CPNE4: variants seen among roughly 807,000 people sequenced by gnomAD.
The protein encoded by CPNE4 is copine 4.
Under a neutral mutation model 67.9 loss-of-function variants are expected in CPNE4, and 25 were observed. The observed-to-expected ratio is 0.37, with a 90% CI of 0.27 to 0.51. CPNE4 has a LOEUF of 0.51. CPNE4 is among the 20% of genes least tolerant of loss of function. The pLI is 0.93. For missense variants in CPNE4, 464 were observed against 690.8 expected, an observed-to-expected ratio of 0.67 and a Z score of 3.68; for synonymous variants, 242 against 244.9, an observed-to-expected ratio of 0.99 and a Z score of 0.11.
chr3:131,646,521 G>T (rs1380246006), intron 7 of CPNE4, among the ~76,000 whole-genome samples: 1 of 152,156 alleles, frequency 6.6e-6, no homozygotes, highest in East Asian at 1.9e-4. Context: ...AACACATGTT[G>T]CAGGGCTAAA....
chr3:131,927,654 G>T (rs1247467691), intron 1 of CPNE4, among the ~76,000 whole-genome samples: 1 of 152,180 alleles, frequency 6.6e-6, no homozygotes, highest in Non-Finnish European at 1.5e-5. Context: ...ATCAATCAAA[G>T]AAATAATCTT....
intron 4 of CPNE4, among the ~76,000 whole-genome samples, chr3:131,696,846 C>A (rs1425780658): frequency 1.3e-5 from 2 of 152,074 alleles, no homozygotes; most frequent in African/African-American, 2.4e-5. Context: ...AGCAAGAGAA[C>A]ATAAGAGATG....
intron 3 of CPNE4, among the ~76,000 whole-genome samples, chr3:131,704,332 C>A (rs1206697784): frequency 2.0e-5 from 3 of 152,146 alleles, no homozygotes; most frequent in Admixed American, 6.5e-5. Context: ...GGTAGTCATC[C>A]CTTGGAAGCA....
chr3:131,882,625 A>G (rs114507005), intron 2 of CPNE4, among the ~76,000 whole-genome samples: 2,096 of 149,744 alleles, frequency 0.014, 39 homozygotes, highest in Non-Finnish European at 0.017. Flanking sequence ...GTTAGACACT[A>G]TTGTGCATTA....
At chr3:131,944,219 CTCTCTT>C (rs2107866233) in intron 1 of CPNE4, among the ~76,000 whole-genome samples, 1 of 141,602 alleles carries the variant, frequency 7.1e-6, no homozygotes, top group Non-Finnish European at 1.6e-5. Context: ...TCTTTCCTCT[CTCTCTT>C]TTTTTTTTTC....
chr3:131,884,251 A>G (rs950084293), intron 2 of CPNE4, among the ~76,000 whole-genome samples: 3 of 152,210 alleles, frequency 2.0e-5, no homozygotes, highest in African/African-American at 7.2e-5. Flanking sequence ...ACCACTATGG[A>G]CTGGTAGGTA....
intron 1 of CPNE4, among the ~76,000 whole-genome samples, chr3:131,946,300 G>A (rs2107871924): frequency 6.6e-6 from 1 of 152,020 alleles, no homozygotes; most frequent in East Asian, 1.9e-4. Flanking sequence ...CTGGTATCTT[G>A]TACATAGCAT....
intron 7 of CPNE4, among the ~76,000 whole-genome samples, chr3:131,624,030 G>A (rs1940608913): frequency 1.3e-5 from 2 of 152,168 alleles, no homozygotes; most frequent in South Asian, 2.1e-4. Context: ...CTCTGGAAGG[G>A]CTGACCCTTC....
At chr3:131,587,370 T>A in intron 8 of CPNE4, 114 bp downstream of exon 8, 1 of 713,762 alleles carries the variant, frequency 1.4e-6, no homozygotes, top group Non-Finnish European at 2.5e-6. Flanking sequence ...TGCTCCCTTC[T>A]TATCACACTT....
chr3:131,942,388 T>C (rs1183889230), intron 1 of CPNE4, among the ~76,000 whole-genome samples: 1 of 149,060 alleles, frequency 6.7e-6, no homozygotes, highest in Non-Finnish European at 1.5e-5. Context: ...TCTACCACAG[T>C]TAATATTTTG....
chr3:131,879,459 A>AT (rs749543044), intron 2 of CPNE4, among the ~76,000 whole-genome samples: 1 of 152,144 alleles, frequency 6.6e-6, no homozygotes, highest in African/African-American at 2.4e-5. Flanking sequence ...CACATAAGCA[A>AT]TCTAATTCAG....
intron 5 of CPNE4, among the ~76,000 whole-genome samples, chr3:131,691,014 G>T (rs367559624): frequency 6.6e-6 from 1 of 151,956 alleles, no homozygotes; most frequent in Admixed American, 6.6e-5. Context: ...ATACCATCTC[G>T]CACCAGTCAG....
chr3:132,005,907 C>T (rs1418058326), intron 1 of CPNE4, among the ~76,000 whole-genome samples: 1 of 152,048 alleles, frequency 6.6e-6, no homozygotes, highest in East Asian at 1.9e-4. Context: ...GAAAACAAAA[C>T]ATAATACTAC....
chr3:131,971,003 A>G (rs753583639), intron 1 of CPNE4, among the ~76,000 whole-genome samples: 4 of 152,230 alleles, frequency 2.6e-5, no homozygotes, highest in Non-Finnish European at 5.9e-5. Context: ...TCAGATCACT[A>G]GATCATCTGC....
intron 10 of CPNE4, among the ~76,000 whole-genome samples, chr3:131,573,360 C>T (rs1184911255): frequency 6.6e-6 from 1 of 152,080 alleles, no homozygotes; most frequent in Non-Finnish European, 1.5e-5. Context: ...TGAAGTGGTA[C>T]TCTCAGTGGG....
At chr3:132,024,892 G>A (rs1223800244) in intron 1 of CPNE4, among the ~76,000 whole-genome samples, 1 of 152,106 alleles carries the variant, frequency 6.6e-6, no homozygotes, top group Non-Finnish European at 1.5e-5. Context: ...TACCACACAG[G>A]AGACAAAATT....
chr3:131,597,325 A>AGG (rs1360229322), intron 7 of CPNE4, among the ~76,000 whole-genome samples: 1 of 152,082 alleles, frequency 6.6e-6, no homozygotes, highest in Non-Finnish European at 1.5e-5. Flanking sequence ...GGGGGATGCT[A>AGG]GGAGAGGGAT....
At chr3:131,930,090 A>G (rs888588361) in intron 1 of CPNE4, among the ~76,000 whole-genome samples, 2 of 152,184 alleles carry the variant, frequency 1.3e-5, no homozygotes, top group Non-Finnish European at 2.9e-5. Flanking sequence ...ATAGATAGTC[A>G]TGTTAAAGTA....
intron 3 of CPNE4, among the ~76,000 whole-genome samples, chr3:131,718,200 G>A (rs1337043833): frequency 6.6e-6 from 1 of 151,912 alleles, no homozygotes; most frequent in Non-Finnish European, 1.5e-5. Flanking sequence ...TCACTATGTT[G>A]TCCAGGCTGG....
Sources: gnomAD v4.1 joint callset for allele counts (sites outside exome capture counted in the v4.1 genomes callset) on GRCh38, gnomAD v4.1.1 for gene constraint, MANE v1.5 for transcripts, NCBI Gene and HGNC (gene_info 2026-07-23, HGNC 2026-07-21) for gene names.